SLC5A2: variants seen among roughly 807,000 people sequenced by gnomAD.
The protein encoded by SLC5A2 is solute carrier family 5 member 2, also known as sodium/glucose cotransporter 2.
A neutral mutation model predicts 69.0 loss-of-function variants in SLC5A2; 67 were observed. The observed-to-expected ratio is 0.97, with a 90% confidence interval of 0.80 to 1.19. The LOEUF is 1.19. Ranked by LOEUF, SLC5A2 falls within the 50% of genes most tolerant of loss-of-function variation. The probability of loss-of-function intolerance (pLI) is 0.00; values close to 1 mark genes in which losing one functional copy is unlikely to be tolerated. For missense variants in SLC5A2, 1,001 were observed against 921.5 expected, an observed-to-expected ratio of 1.09 and a Z score of -1.12; for synonymous variants, 455 against 395.8, an observed-to-expected ratio of 1.15 and a Z score of -1.78.
Position 31,485,754 on chromosome 16 carries a change from G to C in SLC5A2, c.329G>C (p.Gly110Ala). ...WNALFVVLLL[G>A]WLFAPVYLTA... ...GCGCTCTTCGTGGTGCTGCTACTGG[G>C]CTGGCTGTTTGCACCCGTGTACCTG... is the stretch of plus-strand genomic sequence containing the variant. The change falls in exon 4 of 14, where the codon GGC (glycine) becomes GCC (alanine). Residue 110 changes from glycine to alanine, a missense_variant. Gly to Ala is a moderately conservative substitution (Grantham distance 60, BLOSUM62 0). Transcript: ENST00000330498. 1 of 1,613,644 alleles carries C rather than the reference G, an allele frequency of 6.2e-7. No individual in the cohort carries two copies. Among genetic ancestry groups the C allele is most frequent in the Non-Finnish European group, 8.5e-7 (1 of 1,180,034 alleles).
Position 31,487,752 on chromosome 16 carries a change from G to T in SLC5A2, c.878G>T (p.Ser293Ile). The T allele has an allele frequency of 6.2e-7, 1 of 1,608,548 alleles. No homozygotes were observed. Among genetic ancestry groups the T allele is most frequent in the Non-Finnish European group, 8.5e-7 (1 of 1,178,778 alleles). Residue 293 changes from serine to isoleucine, a missense_variant, in exon 7 of 14, where the codon AGC becomes ATC. Ser to Ile is a moderately radical substitution (Grantham distance 142, BLOSUM62 -2). Coordinates refer to ENST00000330498, the MANE Select transcript of SLC5A2 (RefSeq NM_003041.4). The stretch of plus-strand genomic sequence containing the variant: ...ATCGTCTCGGGCTGGTACTGGTGCA[G>T]CGACCAGGTGCGGGTATAGGGCTGC... ...LTIVSGWYWC[S>I]DQVIVQRCLA...
chr16:31,486,223 C>G lies in SLC5A2; in HGVS notation c.522C>G (p.Ile174Met). The stretch of plus-strand genomic sequence containing the variant: ...TCCAGCAGGCTCTGGGCTGGAACAT[C>G]TATGCCTCCGTCATCGCGCTTCTGG... ...VFIQQALGWN[I>M]YASVIALLGI... Residue 174 changes from isoleucine (I) to methionine (M), a missense_variant, in exon 5 of 14, where the codon ATC becomes ATG. Coordinates refer to ENST00000330498, the MANE Select transcript of SLC5A2 (RefSeq NM_003041.4). 6.2e-7 allele frequency: 1 copy of G among 1,614,102 alleles called. No individual in the cohort carries two copies. The highest frequency in any genetic ancestry group is 8.5e-7 in the Non-Finnish European group (1 of 1,179,998).
intron 3 of SLC5A2, 119 bp downstream of exon 3, chr16:31,485,042 G>A (rs575840006): frequency 1.3e-5 from 12 of 927,964 alleles, no homozygotes; most frequent in Non-Finnish European, 2.0e-5. Flanking sequence ...CCAACTGCGG[G>A]GTGTGACTGG....
intron 12 of SLC5A2, 40 bp from the exon 13 acceptor site, chr16:31,490,064 G>GC: frequency 1.2e-6 from 2 of 1,611,796 alleles, no homozygotes; most frequent in East Asian, 4.5e-5. Context: ...GGCATGGGGG[G>GC]ACAGAACTCC....
Position 31,488,952 on chromosome 16 carries a change from G to A in SLC5A2, c.1353G>A (p.Gln451=), listed in dbSNP as rs768104482. The A allele has an allele frequency of 3.1e-6, 5 of 1,603,234 alleles. No homozygotes were observed. Among genetic ancestry groups the A allele is most frequent in the African/African-American group, 1.3e-5 (1 of 74,936 alleles). Residue 451 remains glutamine (Q), a synonymous_variant, in exon 11 of 14, where the codon CAG becomes CAA. Coordinates refer to ENST00000330498, the MANE Select transcript of SLC5A2 (RefSeq NM_003041.4). ...TGGTGCAGGCGGCACAGGGCGGGCAGCTCTTCGATTACATCCAGGCAGTCT... is the reference window on the plus strand; with the variant it reads ...TGGTGCAGGCGGCACAGGGCGGGCAACTCTTCGATTACATCCAGGCAGTCT... ...LPVVQAAQGG[Q]LFDYIQAVSS...
intron 5 of SLC5A2, among the ~76,000 whole-genome samples, chr16:31,486,873 C>T (rs1335087724): frequency 6.6e-6 from 1 of 152,160 alleles, no homozygotes; most frequent in African/African-American, 2.4e-5. Flanking sequence ...GGTGAAACCC[C>T]GTCTCTACTA....
Position 31,484,869 on chromosome 16 carries a change from C to T in SLC5A2, c.249C>T (p.Gly83=), listed in dbSNP as rs200206874. The T allele has an allele frequency of 6.2e-7, 1 of 1,614,104 alleles. No individual in the cohort carries two copies. The highest frequency in any genetic ancestry group is 2.2e-5 in the East Asian group (1 of 44,886). Residue 83 remains glycine, a synonymous_variant, in exon 3 of 14, where the codon GGC becomes GGT. Transcript: ENST00000330498. ...ASNIGSGHFV[G]LAGTGAASGL... ...ACATCGGCAGTGGCCACTTTGTGGG[C>T]CTGGCAGGGACTGGCGCTGCAAGTG... is the stretch of plus-strand genomic sequence containing the variant.
Position 31,484,825 on chromosome 16 carries a change from GC to G in SLC5A2, c.207del (p.Ser70LeufsTer49). 6.2e-7 allele frequency: 1 copy of G among 1,613,316 alleles called. No individual in the cohort carries two copies. The highest frequency in any genetic ancestry group is 8.5e-7 in the Non-Finnish European group (1 of 1,180,026). On this transcript the variant is annotated frameshift_variant, in exon 3 of 14. Coordinates refer to ENST00000330498, the MANE Select transcript of SLC5A2 (RefSeq NM_003041.4). LOFTEE classifies it high-confidence loss of function. ...GRSMVWWPVG[A>X]SLFASNIGSG... ...CCCTCCTCTGGCCACCCAGGTTGGG[GC>G]CTCTCTCTTCGCCAGCAACATCGGC...
In SLC5A2 at chr16:31,485,185, T is replaced by C. The variant is rs531475211; in HGVS notation, c.303+262T>C. The stretch of plus-strand genomic sequence containing the variant: ...GCCTCTGGGAGCTTCCATTTATTCC[T>C]CTCTGAGTGGGGTGAGCAGCCTCAA... On this transcript the variant is annotated intron_variant, in intron 3 of 13. Coordinates refer to ENST00000330498, the MANE Select transcript of SLC5A2 (RefSeq NM_003041.4). The C allele has an allele frequency of 2.0e-3, 1,203 of 590,630 alleles. 1 individual carries two copies. The highest frequency in any genetic ancestry group is 3.2e-3 in the Non-Finnish European group (1,057 of 327,912). 36.6% of individuals were successfully genotyped at this position (590,630 alleles called of 1,614,324 possible).
rs760556743 is a variant in SLC5A2 at position 31,490,449 on chromosome 16, G to A, written c.1933G>A (p.Glu645Lys). The A allele has an allele frequency of 6.2e-6, 10 of 1,613,966 alleles. No homozygotes were observed. The highest frequency in any genetic ancestry group is 2.7e-5 in the African/African-American group (2 of 75,060). The change falls in exon 14 of 14, where the codon GAG becomes AAG. Residue 645 changes from glutamate to lysine, a missense_variant. Transcript: ENST00000330498. ...AGCCAGGCGGCTGGAGGACATCAGC[G>A]AGGACCCGAGCTGGGCCCGTGTGGT... Reference protein sequence around the residue: ...AAARRLEDISEDPSWARVVNL... With the variant: ...AAARRLEDISKDPSWARVVNL...
At position 31,486,016 on chromosome 16, in the gene SLC5A2, A is replaced by G. The variant is rs143870794; in HGVS notation, c.468+123A>G. 263 of 1,258,206 alleles carry G rather than the reference A, an allele frequency of 2.1e-4. 1 individual carries two copies. Among genetic ancestry groups the G allele is most frequent in the Non-Finnish European group, 2.6e-4 (227 of 866,342 alleles). The allele number at this position is 1,258,206 out of a possible 1,614,324, so 77.9% of individuals were successfully genotyped here. A position where few individuals can be genotyped will look rare whatever the true frequency, so the allele number is the denominator to read the frequency against. ...CTGCGAGGGTTATGATGATGGAGGC[A>G]GAGCCTGCAATGAATGTCTCCGGGG... On this transcript the variant is annotated intron_variant, in intron 4 of 13. Transcript: ENST00000330498.
chr16:31,489,409 G>A, intron 12 of SLC5A2, 71 bp downstream of exon 12: 1 of 1,401,808 alleles, frequency 7.1e-7, no homozygotes, highest in Admixed American at 1.9e-5. Flanking sequence ...GGAGTGCCCA[G>A]CTGGGAGGAC....
At chr16:31,486,723 T>TA (rs2082498563) in intron 5 of SLC5A2, among the ~76,000 whole-genome samples, 2 of 152,122 alleles carry the variant, frequency 1.3e-5, no homozygotes, top group African/African-American at 4.8e-5. Flanking sequence ...TATAGGACCT[T>TA]AGACAATCAT....
Position 31,487,773 on chromosome 16 carries a change from G to A in SLC5A2, c.885+14G>A, listed in dbSNP as rs1402983162. On this transcript the variant is annotated intron_variant, in intron 7 of 13. Transcript: ENST00000330498. ...TGCAGCGACCAGGTGCGGGTATAGGGCTGCGCCTGCAGTGAGGCCGGGGCG... is the reference window on the plus strand; with the variant it reads ...TGCAGCGACCAGGTGCGGGTATAGGACTGCGCCTGCAGTGAGGCCGGGGCG... 4 of 1,598,406 alleles carry A rather than the reference G, an allele frequency of 2.5e-6. No homozygotes were observed. In the African/African-American group the frequency reaches 4.0e-5, roughly 16 times the overall value.
chr16:31,487,546 C>T lies in SLC5A2; in HGVS notation c.672C>T (p.Gly224=). The part of the protein sequence containing the change: ...ILMGYAFHEV[G]GYSGLFDKYL... Reference sequence around the variant, plus strand: ...GCCCGGCAGCCTTCCACGAGGTGGGCGGGTATTCGGGTCTCTTCGACAAAT... The same window carrying T: ...GCCCGGCAGCCTTCCACGAGGTGGGTGGGTATTCGGGTCTCTTCGACAAAT... Residue 224 remains glycine, a synonymous_variant, in exon 7 of 14, where the codon GGC becomes GGT. Coordinates refer to ENST00000330498, the MANE Select transcript of SLC5A2 (RefSeq NM_003041.4). The T allele has an allele frequency of 6.2e-7, 1 of 1,613,770 alleles. No homozygotes were observed. Among genetic ancestry groups the T allele is most frequent in the Non-Finnish European group, 8.5e-7 (1 of 1,179,960 alleles).
Position 31,490,562 on chromosome 16 carries a change from C to T in SLC5A2, c.*27C>T. On this transcript the variant is annotated 3_prime_UTR_variant, in exon 14 of 14. Transcript: ENST00000330498. ...ACCAACTGCGTTGGACACCATAAGCCACAGCCTCACAGGAAGTGGGGGTGA... is the reference window on the plus strand; with the variant it reads ...ACCAACTGCGTTGGACACCATAAGCTACAGCCTCACAGGAAGTGGGGGTGA... 1 of 1,558,302 alleles carries T rather than the reference C, an allele frequency of 6.4e-7. No homozygotes were observed.
At position 31,489,340 on chromosome 16, in the gene SLC5A2, T is replaced by TG; in HGVS notation, c.1665+3dup. 2 of 1,606,820 alleles carry TG rather than the reference T, an allele frequency of 1.2e-6. No individual in the cohort carries two copies. The highest frequency in any genetic ancestry group is 1.7e-6 in the Non-Finnish European group (2 of 1,179,778). On this transcript the variant is annotated splice_region_variant and intron_variant, in intron 12 of 13. Coordinates refer to ENST00000330498, the MANE Select transcript of SLC5A2 (RefSeq NM_003041.4). ...ACCGCGCCCATCCCCAGAAAGCACG[T>TG]GAGTGGCCAGGTGCCCCAGGCAAGC...
In SLC5A2 at chr16:31,486,252, T is replaced by C. The variant is rs749157030; in HGVS notation, c.551T>C (p.Ile184Thr). The C allele has an allele frequency of 1.2e-6, 2 of 1,613,776 alleles. No homozygotes were observed. Among genetic ancestry groups the C allele is most frequent in the African/African-American group, 2.7e-5 (2 of 74,974 alleles). ...IYASVIALLG[I>T]TMIYTVTGGL... is the part of the protein sequence containing the mutation. ...GCCTCCGTCATCGCGCTTCTGGGCA[T>C]CACCATGATTTACACGGTGACAGGT... Residue 184 changes from isoleucine to threonine, a missense_variant, in exon 5 of 14, where the codon ATC becomes ACC. Ile to Thr is a moderately conservative substitution (Grantham distance 89, BLOSUM62 -1). Coordinates refer to ENST00000330498, the MANE Select transcript of SLC5A2 (RefSeq NM_003041.4).
chr16:31,487,219 A>G (rs2082502819), intron 5 of SLC5A2, 101 bp from the exon 6 acceptor site: 26 of 1,118,854 alleles, frequency 2.3e-5, no homozygotes, highest in South Asian at 2.2e-4. Context: ...TTTATTCTCC[A>G]GGAAGGGGAA....
Sources: allele counts gnomAD v4.1 joint callset (sites outside exome capture counted in the v4.1 genomes callset), GRCh38; gene constraint gnomAD v4.1.1; transcripts MANE v1.5; gene names NCBI Gene and HGNC (gene_info 2026-07-23, HGNC 2026-07-21).